The following HELZ variants were observed in gnomAD, a reference collection of about 807,000 sequenced individuals.
HELZ encodes helicase with zinc finger.
Under a neutral mutation model 218.2 loss-of-function variants are expected in HELZ, and 23 were observed. The observed-to-expected ratio is 0.11, with a 90% CI of 0.08 to 0.15. The LOEUF (loss-of-function observed/expected upper bound fraction) is 0.15. HELZ is among the 10% of genes least tolerant of loss of function. The pLI is 1.00. For synonymous variants in HELZ, 814 were observed against 829.4 expected, an observed-to-expected ratio of 0.98 and a Z score of 0.32; for missense variants, 1,813 against 2,353.7, an observed-to-expected ratio of 0.77 and a Z score of 4.75.
At chr17:67,245,346 C>G (rs2041455464), upstream of HELZ, 11 of 693,344 alleles carry the variant, frequency 1.6e-5, no homozygotes, top group Non-Finnish European at 2.0e-5. Context: ...CGCAGCTGGC[C>G]CCTTCCCCTC....
intron 28 of HELZ, among the ~76,000 whole-genome samples, chr17:67,111,962 A>T (rs905346953): frequency 1.8e-4 from 28 of 152,228 alleles, no homozygotes; most frequent in African/African-American, 5.8e-4. Context: ...ATAAGTTGCT[A>T]TCTTAATTGT....
At chr17:67,236,122 G>A (rs2041178912) in intron 3 of HELZ, among the ~76,000 whole-genome samples, 1 of 152,072 alleles carries the variant, frequency 6.6e-6, no homozygotes, top group Non-Finnish European at 1.5e-5. Flanking sequence ...ACCATTCAAA[G>A]CCTACAATAG....
At chr17:67,167,851 A>C in intron 13 of HELZ, 55 bp from the exon 14 acceptor site, 1 of 1,184,274 alleles carries the variant, frequency 8.4e-7, no homozygotes, top group East Asian at 2.4e-5. Context: ...ATATATAAAA[A>C]CTAGAAGAGT....
At chr17:67,210,988 T>C (rs2040435835) in intron 5 of HELZ, among the ~76,000 whole-genome samples, 1 of 152,226 alleles carries the variant, frequency 6.6e-6, no homozygotes, top group Non-Finnish European at 1.5e-5. Flanking sequence ...ATCAAAGTTT[T>C]TGTGTTATGC....
At position 67,072,913 on chromosome 17, in the gene HELZ, A is replaced by G. The variant is rs1305607797; in HGVS notation, c.*5339T>C. On this transcript the variant is annotated 3_prime_UTR_variant, in exon 33 of 33. Transcript: ENST00000358691. Reference sequence around the variant, plus strand: ...GACTGGCAGCATCAGCATCGCCTGGAAACTTGTTGGAAATGCAAATCATCA... The same window carrying G: ...GACTGGCAGCATCAGCATCGCCTGGGAACTTGTTGGAAATGCAAATCATCA... 1 of 152,342 alleles carries G rather than the reference A, an allele frequency of 6.6e-6. No homozygotes were observed. Among genetic ancestry groups the G allele is most frequent in the Middle Eastern group, 3.4e-3 (1 of 294 alleles). The allele number at this position is 152,342 out of a possible 1,614,324, so 9.4% of individuals were successfully genotyped here.
intron 7 of HELZ, among the ~76,000 whole-genome samples, chr17:67,197,035 G>A (rs2040049056): frequency 6.6e-6 from 1 of 152,076 alleles, no homozygotes; most frequent in Admixed American, 6.6e-5. Context: ...AGTCACCTGT[G>A]GGTCTTTACT....
Position 67,185,055 on chromosome 17 carries a change from AATG to A in HELZ, c.1162+3261_1162+3263del, listed in dbSNP as rs545620147. Among the ~76,000 whole-genome samples the A allele has an allele frequency of 3.3e-5, 5 of 152,328 alleles. No homozygotes were observed. In the South Asian group the frequency reaches 1.0e-3, roughly 32 times the overall value. On this transcript the variant is annotated intron_variant, in intron 12 of 32. Coordinates refer to ENST00000358691, the MANE Select transcript of HELZ (RefSeq NM_014877.4). ...CCTAATTCCAGGCCAAGGAAGATCC[AATG>A]ATGAACTGGCTGAGGCTGAAGATCA...
intron 3 of HELZ, among the ~76,000 whole-genome samples, chr17:67,232,074 A>T (rs1177185474): frequency 1.3e-5 from 2 of 150,672 alleles, no homozygotes; most frequent in Non-Finnish European, 2.9e-5. Flanking sequence ...AAAAAAAAAA[A>T]AGTTTACTAC....
In HELZ at chr17:67,196,608, GCATGGGTGGGTGGATGGGAA is replaced by G. The variant is rs1343942018; in HGVS notation, c.430-1158_430-1139del. 4.1e-3 allele frequency among the ~76,000 whole-genome samples: 616 copies of G among 150,494 alleles called. 6 individuals are homozygous for G. The highest frequency in any genetic ancestry group is 0.014 in the African/African-American group (579 of 40,886). ...TGGATGGATGGATGGATGGATGGGT[GCATGGGTGGGTGGATGGGAA>G]CATGGGTGGGTGGATGGGAACATGG... On this transcript the variant is annotated intron_variant, in intron 7 of 32. Coordinates refer to ENST00000358691, the MANE Select transcript of HELZ (RefSeq NM_014877.4).
At chr17:67,214,537 A>G (rs2040545210) in intron 5 of HELZ, among the ~76,000 whole-genome samples, 1 of 151,604 alleles carries the variant, frequency 6.6e-6, no homozygotes. Flanking sequence ...AAGTGCTGGG[A>G]TTACAGGCGT....
intron 23 of HELZ, among the ~76,000 whole-genome samples, chr17:67,129,996 T>C (rs1222190885): frequency 6.6e-6 from 1 of 152,156 alleles, no homozygotes; most frequent in Non-Finnish European, 1.5e-5. Context: ...TCAAGAAGCA[T>C]AAATGAAAAG....
rs1196690652 is a variant in HELZ, at chr17:67,078,132, A to G, written c.*120T>C. 3 of 675,064 alleles carry G rather than the reference A, an allele frequency of 4.4e-6. No individual in the cohort carries two copies. In the East Asian group the frequency reaches 8.6e-5, roughly 19 times the overall value. 41.8% of individuals were successfully genotyped at this position (675,064 alleles called of 1,614,324 possible). A position where few individuals can be genotyped will look rare whatever the true frequency, so the allele number is the denominator to read the frequency against. ...AGTCTAGCAGCAAAGCAATTAAGTG[A>G]GAACATATTTAATATTAAAACAAAG... On this transcript the variant is annotated 3_prime_UTR_variant, in exon 33 of 33. Coordinates refer to ENST00000358691, the MANE Select transcript of HELZ (RefSeq NM_014877.4).
At chr17:67,141,078 G>A (rs1476021609) in intron 21 of HELZ, among the ~76,000 whole-genome samples, 1 of 152,082 alleles carries the variant, frequency 6.6e-6, no homozygotes, top group African/African-American at 2.4e-5. Flanking sequence ...AATACTAAAG[G>A]AAGTTCTTCA....
At chr17:67,228,987 G>C (rs1321921497) in intron 3 of HELZ, among the ~76,000 whole-genome samples, 1 of 152,010 alleles carries the variant, frequency 6.6e-6, no homozygotes, top group Non-Finnish European at 1.5e-5. Context: ...CAAAGTGCTG[G>C]GATTACAGGC....
At chr17:67,244,796 G>A (rs2041430912) in intron 1 of HELZ, 1 of 985,236 alleles carries the variant, frequency 1.0e-6, no homozygotes, top group South Asian at 4.7e-5. Context: ...AACGTGCCGG[G>A]AGGCTCGAGT....
chr17:67,228,200 T>C (rs534295203), intron 3 of HELZ, among the ~76,000 whole-genome samples: 4 of 152,362 alleles, frequency 2.6e-5, no homozygotes, highest in South Asian at 4.1e-4. Context: ...GACCCCAAGA[T>C]ATCTTTACTT....
intron 23 of HELZ, among the ~76,000 whole-genome samples, chr17:67,130,182 A>G (rs1019488981): frequency 6.6e-6 from 1 of 152,118 alleles, no homozygotes; most frequent in Admixed American, 6.5e-5. Flanking sequence ...TTCAGAAGGT[A>G]GCGGGGTGGG....
chr17:67,203,310 T>A lies in HELZ; in HGVS notation c.372+9A>T, dbSNP rs758153435. ...TTCAGGCATACAAAATTAGAGCTTA[T>A]CAACATACCAGGGACTCTCCTGTGA... is the stretch of plus-strand genomic sequence containing the variant. On this transcript the variant is annotated intron_variant, in intron 6 of 32. Coordinates refer to ENST00000358691, the MANE Select transcript of HELZ (RefSeq NM_014877.4). 31 of 1,613,378 alleles carry A rather than the reference T, an allele frequency of 1.9e-5. No individual in the cohort carries two copies. The South Asian group carries it at 3.4e-4, about 18-fold the overall frequency.
intron 17 of HELZ, among the ~76,000 whole-genome samples, chr17:67,158,753 T>C (rs567933102): frequency 2.2e-4 from 33 of 152,290 alleles, no homozygotes; most frequent in African/African-American, 7.9e-4. Context: ...CAACTATACA[T>C]GTACCCTACT....
Sources: gnomAD v4.1 joint callset for allele counts (sites outside exome capture counted in the v4.1 genomes callset) on GRCh38, gnomAD v4.1.1 for gene constraint, MANE v1.5 for transcripts, NCBI Gene and HGNC (gene_info 2026-07-23, HGNC 2026-07-21) for gene names.